CDH12: variants seen among roughly 807,000 people sequenced by gnomAD.
CDH12 encodes cadherin 12.
Under a neutral mutation model 74.1 loss-of-function variants are expected in CDH12, and 41 were observed. The observed-to-expected ratio is 0.55, with a 90% CI of 0.43 to 0.72. The LOEUF is 0.72. CDH12 is among the 30% of genes least tolerant of loss of function. The pLI is 0.00. For synonymous variants in CDH12, 399 were observed against 355.0 expected (o/e 1.12, Z -1.39); for missense variants, 945 against 977.2 (o/e 0.97, Z 0.44).
intron 1 of CDH12, among the ~76,000 whole-genome samples, chr5:22,526,943 T>C (rs138156418): frequency 4.1e-4 from 63 of 152,246 alleles, no homozygotes; most frequent in African/African-American, 1.5e-3. Flanking sequence ...AATTATCTCA[T>C]GGTGGGTTCA....
intron 3 of CDH12, among the ~76,000 whole-genome samples, chr5:22,312,988 G>T (rs1196354815): frequency 6.6e-6 from 1 of 152,172 alleles, no homozygotes. Flanking sequence ...GTTATTGTGG[G>T]ATTGAAAGTT....
intron 1 of CDH12, among the ~76,000 whole-genome samples, chr5:22,563,956 A>G (rs980724497): frequency 6.6e-6 from 1 of 152,148 alleles, no homozygotes; most frequent in Non-Finnish European, 1.5e-5. Context: ...TCCCTCCCAC[A>G]ACACATGGGA....
At chr5:21,884,863 T>G (rs1212876757) in intron 6 of CDH12, among the ~76,000 whole-genome samples, 2 of 152,176 alleles carry the variant, frequency 1.3e-5, no homozygotes, top group Admixed American at 1.3e-4. Context: ...TAATAACTTA[T>G]TATAAAAGGC....
At chr5:22,765,909 T>TA (rs1746486075) in intron 1 of CDH12, among the ~76,000 whole-genome samples, 2 of 151,716 alleles carry the variant, frequency 1.3e-5, no homozygotes, top group African/African-American at 4.8e-5. Context: ...ATATAATATG[T>TA]AAAAAAATAC....
At chr5:21,864,657 A>G (rs1030876480) in intron 6 of CDH12, among the ~76,000 whole-genome samples, 3 of 152,214 alleles carry the variant, frequency 2.0e-5, no homozygotes, top group Admixed American at 6.5e-5. Flanking sequence ...AGTTGTTGCT[A>G]TAACAAACAC....
At chr5:22,559,602 T>G (rs1279732531) in intron 1 of CDH12, among the ~76,000 whole-genome samples, 2 of 152,092 alleles carry the variant, frequency 1.3e-5, no homozygotes, top group Non-Finnish European at 2.9e-5. Context: ...ATGTTACTTT[T>G]TATCTCTTTT....
chr5:22,017,541 C>T (rs1433272651), intron 5 of CDH12, among the ~76,000 whole-genome samples: 1 of 151,976 alleles, frequency 6.6e-6, no homozygotes, highest in Non-Finnish European at 1.5e-5. Flanking sequence ...TTCTTTTAAC[C>T]CTGAAAATGA....
chr5:21,775,014 C>T (rs1171171060), intron 11 of CDH12, among the ~76,000 whole-genome samples: 1 of 152,134 alleles, frequency 6.6e-6, no homozygotes, highest in Non-Finnish European at 1.5e-5. Context: ...GTCTGATTCA[C>T]CATGACTTGA....
At chr5:22,248,128 C>T (rs563200788) in intron 3 of CDH12, among the ~76,000 whole-genome samples, 5 of 152,110 alleles carry the variant, frequency 3.3e-5, no homozygotes, top group East Asian at 3.9e-4. Flanking sequence ...GGTAAAATCC[C>T]GTCTCTACTA....
chr5:22,824,027 T>C (rs969063042), intron 1 of CDH12, among the ~76,000 whole-genome samples: 6 of 152,134 alleles, frequency 3.9e-5, no homozygotes, highest in Admixed American at 6.6e-5. Context: ...TAAATTCATA[T>C]AATAATGATA....
intron 5 of CDH12, among the ~76,000 whole-genome samples, chr5:22,025,783 T>C (rs1218557774): frequency 6.6e-6 from 1 of 152,174 alleles, no homozygotes; most frequent in African/African-American, 2.4e-5. Flanking sequence ...TTCTTTATTG[T>C]CATTTCAACA....
intron 5 of CDH12, among the ~76,000 whole-genome samples, chr5:22,066,670 G>A (rs12516887): frequency 0.25 from 38,307 of 151,998 alleles, 4,975 homozygotes; most frequent in South Asian, 0.35. Flanking sequence ...AAAGTCCAAG[G>A]GGATACCACT....
chr5:22,611,411 C>T (rs1248471062), intron 1 of CDH12, among the ~76,000 whole-genome samples: 5 of 152,130 alleles, frequency 3.3e-5, no homozygotes, highest in African/African-American at 9.7e-5. Flanking sequence ...TCCTTCTTAG[C>T]ATCACCCTGT....
At chr5:22,191,653 C>T (rs1384432021) in intron 4 of CDH12, among the ~76,000 whole-genome samples, 1 of 15,394 alleles carries the variant, frequency 6.5e-5, no homozygotes, top group Non-Finnish European at 6.8e-4. Context: ...CAAGCTCCGC[C>T]TCCCGGGTTC....
intron 5 of CDH12, among the ~76,000 whole-genome samples, chr5:22,033,755 T>G (rs370248092): frequency 6.6e-6 from 1 of 152,128 alleles, no homozygotes; most frequent in East Asian, 1.9e-4. Context: ...AAACAATCCT[T>G]ACATATTTTT....
intron 6 of CDH12, among the ~76,000 whole-genome samples, chr5:21,926,503 T>C (rs1481053243): frequency 6.6e-6 from 1 of 152,194 alleles, no homozygotes; most frequent in East Asian, 1.9e-4. Flanking sequence ...TAAAAATATC[T>C]TTAGGGCAAC....
At chr5:22,586,957 G>C (rs1054652556) in intron 1 of CDH12, among the ~76,000 whole-genome samples, 2 of 148,438 alleles carry the variant, frequency 1.3e-5, no homozygotes, top group Non-Finnish European at 3.0e-5. Flanking sequence ...AGTGATTCTC[G>C]TATCTCAGCC....
rs201364635 is a variant in CDH12, at chr5:22,136,528, T to TA, written c.-186-57667dup. ...CCTTTTGGAGACCTATATTTGGCAC[T>TA]AAAAATACCATTATGAAGAAGAACT... On this transcript the variant is annotated intron_variant, in intron 4 of 14. Coordinates refer to ENST00000382254, the MANE Select transcript of CDH12 (RefSeq NM_004061.5). 3.3e-3 allele frequency among the ~76,000 whole-genome samples: 501 copies of TA among 151,738 alleles called. 3 individuals are homozygous for TA. The highest frequency in any genetic ancestry group is 0.011 in the African/African-American group (471 of 41,376).
chr5:22,791,137 G>T (rs1395631647), intron 1 of CDH12, among the ~76,000 whole-genome samples: 1 of 152,094 alleles, frequency 6.6e-6, no homozygotes, highest in Non-Finnish European at 1.5e-5. Context: ...CACTTAATGT[G>T]GAAACAATAT....
Sources: allele counts gnomAD v4.1 joint callset (sites outside exome capture counted in the v4.1 genomes callset), GRCh38; gene constraint gnomAD v4.1.1; transcripts MANE v1.5; gene names NCBI Gene and HGNC (gene_info 2026-07-23, HGNC 2026-07-21).